Variants in LRGUK observed in about 807,000 individuals in gnomAD.
LRGUK encodes leucine rich repeats and guanylate kinase domain containing, also known as leucine-rich repeat and guanylate kinase domain-containing protein.
A neutral mutation model predicts 76.0 loss-of-function variants in LRGUK; 65 were observed. That is an observed-to-expected ratio of 0.85 (90% confidence interval 0.70 to 1.05). The LOEUF (loss-of-function observed/expected upper bound fraction) is 1.05. Ranked by LOEUF, LRGUK falls within the 50% of genes least tolerant of loss-of-function variation. The probability of loss-of-function intolerance (pLI) is 0.00; values close to 1 mark genes in which losing one functional copy is unlikely to be tolerated. For synonymous variants in LRGUK, 268 were observed against 265.6 expected (o/e 1.01, Z -0.09); for missense variants, 758 against 732.8 (o/e 1.03, Z -0.40).
At chr7:134,267,174 C>T (rs1802870992), downstream of LRGUK, among the ~76,000 whole-genome samples, 1 of 151,792 alleles carries the variant, frequency 6.6e-6, no homozygotes, top group African/African-American at 2.4e-5. Context: ...AAGAAGGAAA[C>T]CTGAAAGATC....
chr7:134,228,548 GA>G (rs1353419997), intron 16 of LRGUK, among the ~76,000 whole-genome samples: 1 of 151,504 alleles, frequency 6.6e-6, no homozygotes. Flanking sequence ...GGAATGAAGG[GA>G]AAAAATATAA....
At chr7:134,129,354 C>G (rs1251074033) in intron 1 of LRGUK, among the ~76,000 whole-genome samples, 30 of 75,180 alleles carry the variant, frequency 4.0e-4, no homozygotes, top group African/African-American at 1.6e-3. Context: ...CCCCTCTACT[C>G]TCTCCTTCCT....
chr7:134,260,783 A>G (rs1190648367), intron 19 of LRGUK, among the ~76,000 whole-genome samples: 7 of 152,082 alleles, frequency 4.6e-5, no homozygotes, highest in Non-Finnish European at 1.0e-4. Context: ...TCCTCGTTTG[A>G]GATCCCAGCT....
intron 1 of LRGUK, 101 bp downstream of exon 1, chr7:134,127,765 A>G: frequency 7.8e-7 from 1 of 1,289,848 alleles, no homozygotes; most frequent in Non-Finnish European, 1.0e-6. Flanking sequence ...GAAGCTTCCC[A>G]CACCTTCTCA....
intron 18 of LRGUK, among the ~76,000 whole-genome samples, chr7:134,252,988 A>C (rs1802484851): frequency 6.6e-6 from 1 of 152,198 alleles, no homozygotes; most frequent in Non-Finnish European, 1.5e-5. Flanking sequence ...TTTAAATGGC[A>C]GGCTTTACCT....
chr7:134,211,827 T>G (rs1240819785), downstream of LRGUK, among the ~76,000 whole-genome samples: 5 of 152,138 alleles, frequency 3.3e-5, no homozygotes, highest in African/African-American at 1.2e-4. Context: ...GTGACTCTAT[T>G]AGAAGGGAGT....
At chr7:134,175,923 A>G (rs1423749997) in intron 8 of LRGUK, among the ~76,000 whole-genome samples, 1 of 152,154 alleles carries the variant, frequency 6.6e-6, no homozygotes, top group Non-Finnish European at 1.5e-5. Flanking sequence ...TTAATACGAA[A>G]TATTGCATAT....
chr7:134,244,549 A>C (rs1458658227), intron 16 of LRGUK, among the ~76,000 whole-genome samples: 1 of 152,184 alleles, frequency 6.6e-6, no homozygotes, highest in Admixed American at 6.5e-5. Context: ...AAAAGTCAGG[A>C]AACAACAGGT....
intron 5 of LRGUK, among the ~76,000 whole-genome samples, chr7:134,155,210 C>T (rs1465211475): frequency 6.6e-6 from 1 of 152,154 alleles, no homozygotes; most frequent in South Asian, 2.1e-4. Context: ...TTTATTTCAT[C>T]CATACCTGAG....
intron 5 of LRGUK, among the ~76,000 whole-genome samples, chr7:134,154,287 C>A (rs979425753): frequency 6.6e-6 from 1 of 152,184 alleles, no homozygotes; most frequent in Non-Finnish European, 1.5e-5. Flanking sequence ...GATTATGTTT[C>A]TTCTTATCAG....
chr7:134,200,189 A>G (rs1237799582), intron 14 of LRGUK, among the ~76,000 whole-genome samples: 1 of 151,090 alleles, frequency 6.6e-6, no homozygotes, highest in East Asian at 2.0e-4. Flanking sequence ...GGTGCCCGCC[A>G]CCACGCCCAG....
At chr7:134,184,159 T>A (rs1799880765) in intron 11 of LRGUK, among the ~76,000 whole-genome samples, 1 of 152,192 alleles carries the variant, frequency 6.6e-6, no homozygotes, top group Non-Finnish European at 1.5e-5. Flanking sequence ...AACGATAGAA[T>A]CTTGATTCTT....
In LRGUK at chr7:134,258,489, G is replaced by C. The variant is rs1440876738; in HGVS notation, c.2347+84G>C. The C allele has an allele frequency of 3.0e-6, 4 of 1,341,742 alleles. No individual in the cohort carries two copies. In the African/African-American group the frequency reaches 5.9e-5, roughly 20 times the overall value. The allele number at this position is 1,341,742 out of a possible 1,614,324, so 83.1% of individuals were successfully genotyped here. A position where few individuals can be genotyped will look rare whatever the true frequency, so the allele number is the denominator to read the frequency against. ...GAGGCGAATGGATCTCCTGACGTCA[G>C]GAGTTCGAGACCAGCCTGGCCAAAA... On this transcript the variant is annotated intron_variant, in intron 19 of 19. Coordinates refer to the LRGUK transcript ENST00000285928.
intron 11 of LRGUK, among the ~76,000 whole-genome samples, chr7:134,186,730 C>T (rs1233320434): frequency 1.3e-5 from 2 of 152,150 alleles, no homozygotes; most frequent in African/African-American, 4.8e-5. Context: ...CTGGTGAGGT[C>T]CTTGCCTTAA....
chr7:134,234,249 CA>C (rs1428748487), intron 16 of LRGUK, among the ~76,000 whole-genome samples: 5 of 152,002 alleles, frequency 3.3e-5, no homozygotes, highest in African/African-American at 1.2e-4. Context: ...CCTCAGATAC[CA>C]CAGTCTGCTG....
intron 15 of LRGUK, among the ~76,000 whole-genome samples, chr7:134,207,695 A>G (rs1204077201): frequency 1.3e-5 from 2 of 152,208 alleles, no homozygotes; most frequent in Non-Finnish European, 2.9e-5. Context: ...GATCACTCCA[A>G]GGTCACCTCA....
At chr7:134,252,125 G>T (rs1802461814) in intron 18 of LRGUK, among the ~76,000 whole-genome samples, 1 of 151,730 alleles carries the variant, frequency 6.6e-6, no homozygotes, top group Admixed American at 6.6e-5. Context: ...GATCATTTGA[G>T]CCCAGGAGTT....
chr7:134,188,915 A>G (rs2117041200), intron 11 of LRGUK, among the ~76,000 whole-genome samples: 1 of 152,352 alleles, frequency 6.6e-6, no homozygotes, highest in African/African-American at 2.4e-5. Flanking sequence ...CACAGAAAAA[A>G]AAATACTACT....
At chr7:134,205,365 C>T (rs1358919923) in intron 15 of LRGUK, among the ~76,000 whole-genome samples, 2 of 152,118 alleles carry the variant, frequency 1.3e-5, no homozygotes, top group Non-Finnish European at 2.9e-5. Context: ...GCTGGCCTCA[C>T]CTCTCATCAG....
Sources: gnomAD v4.1 joint callset for allele counts (sites outside exome capture counted in the v4.1 genomes callset) on GRCh38, gnomAD v4.1.1 for gene constraint, MANE v1.5 for transcripts, NCBI Gene and HGNC (gene_info 2026-07-23, HGNC 2026-07-21) for gene names.